SLC12A1: variants seen among roughly 807,000 people sequenced by gnomAD.
The protein encoded by SLC12A1 is Na-K-2Cl cotransporter.
SLC12A1 carries 89 observed loss-of-function variants against 130.4 expected under a neutral mutation model. The ratio of observed to expected loss-of-function variants is 0.68; its 90% confidence interval spans 0.58 to 0.81. SLC12A1 has a LOEUF of 0.81. SLC12A1 is among the 40% of genes least tolerant of loss of function. The probability of loss-of-function intolerance (pLI) is 0.00; values close to 1 mark genes in which losing one functional copy is unlikely to be tolerated. For missense variants in SLC12A1, 1,310 were observed against 1,336.4 expected, an observed-to-expected ratio of 0.98 and a Z score of 0.31; for synonymous variants, 499 against 460.0, an observed-to-expected ratio of 1.08 and a Z score of -1.09.
At position 48,229,202 on chromosome 15, in the gene SLC12A1, T is replaced by C. The variant is rs371357808; in HGVS notation, c.738T>C (p.Tyr246=). 1.9e-6 allele frequency: 3 copies of C among 1,588,874 alleles called. No individual in the cohort carries two copies. The African/African-American group carries it at 4.0e-5, about 21-fold the overall frequency. Residue 246 remains tyrosine, a synonymous_variant, in exon 6 of 27, where the codon TAT becomes TAC. Coordinates refer to ENST00000380993, the MANE Select transcript of SLC12A1 (RefSeq NM_000338.3). ...NGFVRGGGAY[Y]LISRSLGPEF... The stretch of plus-strand genomic sequence containing the variant: ...TTCTTGTTTCAGGTGGGGCCTACTA[T>C]CTTATTTCCAGAAGTTTAGGGCCCG...
intron 5 of SLC12A1, chr15:48,227,274 C>T (rs1020507155): frequency 2.2e-6 from 2 of 915,124 alleles, no homozygotes; most frequent in Middle Eastern, 2.8e-4. Context: ...CTAATTAGTC[C>T]CCAGTGTCCT....
chr15:48,289,421 ATATATAT>A (rs751561462), intron 23 of SLC12A1, among the ~76,000 whole-genome samples: 45 of 127,896 alleles, frequency 3.5e-4, no homozygotes, highest in Middle Eastern at 4.0e-3. Flanking sequence ...ATATATATAT[ATATATAT>A]AATGTATAAC....
intron 16 of SLC12A1, among the ~76,000 whole-genome samples, chr15:48,257,598 G>T (rs1310027039): frequency 6.6e-6 from 1 of 152,134 alleles, no homozygotes; most frequent in Non-Finnish European, 1.5e-5. Context: ...CCAAGGCTTG[G>T]GACTTTCACC....
intron 24 of SLC12A1, among the ~76,000 whole-genome samples, chr15:48,294,395 T>G (rs1291163176): frequency 1.3e-5 from 2 of 151,374 alleles, no homozygotes; most frequent in African/African-American, 4.9e-5. Context: ...ATACATTAAC[T>G]GTGATCAGAA....
intron 4 of SLC12A1, chr15:48,221,265 T>A (rs2041211819): frequency 1.4e-6 from 1 of 698,642 alleles, no homozygotes; most frequent in African/African-American, 1.8e-5. Context: ...CACAGACATA[T>A]AATAGCATGT....
At chr15:48,260,428 T>C (rs1458331260) in intron 17 of SLC12A1, among the ~76,000 whole-genome samples, 3 of 151,740 alleles carry the variant, frequency 2.0e-5, no homozygotes, top group Non-Finnish European at 4.4e-5. Context: ...AGTACTTAAG[T>C]ACTTACGTAT....
At position 48,278,104 on chromosome 15, in the gene SLC12A1, C is replaced by G. The variant is rs1203901194; in HGVS notation, c.2485+3451C>G. Among the ~76,000 whole-genome samples, 3 of 152,160 alleles carry G rather than the reference C, an allele frequency of 2.0e-5. No homozygotes were observed. The East Asian group carries it at 5.8e-4, about 29-fold the overall frequency. ...AGTATTCACTATTAATGTATATTCC[C>G]TCCTAGTAGAACTTAATACTTTAGT... On this transcript the variant is annotated intron_variant, in intron 20 of 26. Coordinates refer to ENST00000380993, the MANE Select transcript of SLC12A1 (RefSeq NM_000338.3).
rs1471027525 is a variant in SLC12A1 at position 48,262,858 on chromosome 15, CA to C, written c.2154+3551del. On this transcript the variant is annotated intron_variant, in intron 17 of 26. Coordinates refer to ENST00000380993, the MANE Select transcript of SLC12A1 (RefSeq NM_000338.3). Reference sequence around the variant, plus strand: ...GCATAGCCAAGTTCAACAGGTTCAGCAAAAGGTAAGTTATTAGTTAAAAGTT... The same window carrying C: ...GCATAGCCAAGTTCAACAGGTTCAGCAAAGGTAAGTTATTAGTTAAAAGTT... 3.9e-5 allele frequency among the ~76,000 whole-genome samples: 6 copies of C among 152,304 alleles called. No homozygotes were observed. The South Asian group carries it at 8.3e-4, about 21-fold the overall frequency.
Position 48,292,131 on chromosome 15 carries a change from T to G in SLC12A1, c.2960+267T>G, listed in dbSNP as rs7174051. Among the ~76,000 whole-genome samples the G allele has an allele frequency of 0.32, 48,445 of 152,138 alleles. 9,883 individuals are homozygous for G. Among genetic ancestry groups the G allele is most frequent in the African/African-American group, 0.56 (23,312 of 41,480 alleles). On this transcript the variant is annotated intron_variant, in intron 24 of 26. Coordinates refer to ENST00000380993, the MANE Select transcript of SLC12A1 (RefSeq NM_000338.3). ...TTTAGAATTGCCCTTCCTGTTCTTG[T>G]TTTCTATGGTGGCAAGAGCAGCACG...
At chr15:48,250,857 A>G (rs770620201) in intron 14 of SLC12A1, among the ~76,000 whole-genome samples, 1 of 152,152 alleles carries the variant, frequency 6.6e-6, no homozygotes, top group Admixed American at 6.5e-5. Context: ...AACATACCCC[A>G]TTCATTAACA....
intron 15 of SLC12A1, among the ~76,000 whole-genome samples, chr15:48,255,239 A>T (rs2041692955): frequency 6.6e-6 from 1 of 152,124 alleles, no homozygotes; most frequent in Non-Finnish European, 1.5e-5. Flanking sequence ...AGAGTTTGAG[A>T]CCAGTCTGGC....
In SLC12A1 at chr15:48,229,317, G is replaced by T; in HGVS notation, c.853G>T (p.Asp285Tyr). ...YVVGFAETVV[D>Y]LLKESDSMMV... Reference sequence around the variant, plus strand: ...GGTGGGATTTGCTGAGACTGTAGTAGATCTTCTTAAGGTAATTAAAAGCTT... The same window carrying T: ...GGTGGGATTTGCTGAGACTGTAGTATATCTTCTTAAGGTAATTAAAAGCTT... The change falls in exon 6 of 27, where the codon GAT (aspartate) becomes TAT (tyrosine). Residue 285 changes from aspartate (D) to tyrosine (Y), a missense_variant. By Grantham distance (160) the Asp-to-Tyr change is radical. Transcript: ENST00000380993. 1.2e-6 allele frequency: 2 copies of T among 1,600,008 alleles called. No homozygotes were observed. The highest frequency in any genetic ancestry group is 1.7e-6 in the Non-Finnish European group (2 of 1,172,678).
In SLC12A1 at chr15:48,207,901, G is replaced by C; in HGVS notation, c.182G>C (p.Ser61Thr). ...GAAGCTCAGAAAAGACTCAGAATCA[G>C]CTTTAGGCCTGGGAATCAGGAGTGC... Reference protein sequence around the residue: ...GDEAQKRLRISFRPGNQECYD... With the variant: ...GDEAQKRLRITFRPGNQECYD... The change falls in exon 2 of 27, where the codon AGC (serine) becomes ACC (threonine). Residue 61 changes from serine (S) to threonine (T), a missense_variant. Coordinates refer to ENST00000380993, the MANE Select transcript of SLC12A1 (RefSeq NM_000338.3). The C allele has an allele frequency of 6.2e-7, 1 of 1,614,026 alleles. No homozygotes were observed. The highest frequency in any genetic ancestry group is 2.2e-5 in the East Asian group (1 of 44,884).
intron 2 of SLC12A1, chr15:48,217,888 C>A (rs533170330): frequency 6.6e-6 from 1 of 152,452 alleles, no homozygotes; most frequent in Admixed American, 6.5e-5. Flanking sequence ...TTCACTGCAG[C>A]CTTGACCTCC....
intron 2 of SLC12A1, among the ~76,000 whole-genome samples, chr15:48,216,417 C>T (rs2041122162): frequency 6.6e-6 from 1 of 152,160 alleles, no homozygotes; most frequent in African/African-American, 2.4e-5. Flanking sequence ...CTCATCAATT[C>T]ATATCTAAGG....
At chr15:48,227,057 C>G in intron 5 of SLC12A1, 3 of 1,527,532 alleles carry the variant, frequency 2.0e-6, no homozygotes, top group Non-Finnish European at 2.7e-6. Flanking sequence ...GAACCAAACA[C>G]CTTTCTTGGG....
At chr15:48,249,467 C>T (rs764355541) in intron 13 of SLC12A1, 108 bp from the exon 14 acceptor site, 23 of 842,164 alleles carry the variant, frequency 2.7e-5, no homozygotes, top group Non-Finnish European at 4.0e-5. Flanking sequence ...GACAGATGCT[C>T]GCTATGTTTT....
chr15:48,222,439 A>T (rs2041228222), intron 4 of SLC12A1: 3 of 152,112 alleles, frequency 2.0e-5, no homozygotes, highest in Non-Finnish European at 4.4e-5. Flanking sequence ...TAAACAGTTT[A>T]TTATGCTATC....
chr15:48,239,523 T>TAAAC (rs2041477708), intron 9 of SLC12A1, among the ~76,000 whole-genome samples: 1 of 149,970 alleles, frequency 6.7e-6, no homozygotes. Flanking sequence ...TCAAAATAAA[T>TAAAC]AAATAAATAA....
Sources: gnomAD v4.1 joint callset for allele counts (sites outside exome capture counted in the v4.1 genomes callset) on GRCh38, gnomAD v4.1.1 for gene constraint, MANE v1.5 for transcripts, NCBI Gene and HGNC (gene_info 2026-07-23, HGNC 2026-07-21) for gene names.